The following ZDHHC13 variants were observed in gnomAD, a reference collection of about 807,000 sequenced individuals.
ZDHHC13 encodes the protein palmitoyltransferase ZDHHC13.
Under a neutral mutation model 86.0 loss-of-function variants are expected in ZDHHC13, and 85 were observed. The observed-to-expected ratio is 0.99, with a 90% CI of 0.83 to 1.18. The LOEUF (loss-of-function observed/expected upper bound fraction) is 1.18, where lower values mean the gene tolerates loss of function less well. Ranked by LOEUF, ZDHHC13 falls within the 50% of genes most tolerant of loss-of-function variation. ZDHHC13 has a pLI of 0.00. For synonymous variants in ZDHHC13, 263 were observed against 246.4 expected (o/e 1.07, Z -0.63); for missense variants, 711 against 730.2 (o/e 0.97, Z 0.30).
Position 19,146,182 on chromosome 11 carries a change from TACGG to T in ZDHHC13, c.177_180del (p.Tyr59Ter). The T allele has an allele frequency of 6.3e-7, 1 of 1,578,754 alleles. No homozygotes were observed. On this transcript the variant is annotated frameshift_variant and splice_region_variant, in exon 3 of 17. Transcript: ENST00000446113. LOFTEE classifies it high-confidence loss of function. ...ATGCTTTTTTTTTTCTTCTTTGAGA[TACGG>T]AATTTTTGAACGATGTAAAGAGTTG... is the stretch of plus-strand genomic sequence containing the variant.
chr11:19,127,190 A>G (rs1485699004), intron 1 of ZDHHC13, among the ~76,000 whole-genome samples: 3 of 152,156 alleles, frequency 2.0e-5, no homozygotes, highest in Non-Finnish European at 2.9e-5. Context: ...TTTGAGTAGC[A>G]TTTCTCTAAT....
intron 8 of ZDHHC13, 87 bp downstream of exon 8, chr11:19,152,771 A>G: frequency 6.3e-7 from 1 of 1,587,026 alleles, no homozygotes. Context: ...AGGAAACCAG[A>G]GAGTTGGCTT....
chr11:19,170,702 C>CATTTAACCACACTTGAATTTCAGGT, intron 15 of ZDHHC13, 134 bp downstream of exon 15: 1 of 842,694 alleles, frequency 1.2e-6, no homozygotes, highest in Non-Finnish European at 1.8e-6. Context: ...CTAGCCATGT[C>CATTTAACCACACTTGAATTTCAGGT]ATTTAACCAC....
intron 1 of ZDHHC13, among the ~76,000 whole-genome samples, chr11:19,131,944 C>G (rs1205869464): frequency 6.6e-6 from 1 of 152,204 alleles, no homozygotes; most frequent in African/African-American, 2.4e-5. Context: ...ATACTCTAAC[C>G]TGATCTTTTG....
rs192279639 is a variant in ZDHHC13 at position 19,132,516 on chromosome 11, A to G, written c.28-10462A>G. Among the ~76,000 whole-genome samples, 14 of 152,316 alleles carry G rather than the reference A, an allele frequency of 9.2e-5. No homozygotes were observed. The East Asian group carries it at 2.5e-3, about 27-fold the overall frequency. ...TTTCCCTGTATACATTACTTGTCCT[A>G]GTACTCTGCAAAGACTCAGTGGGCC... is the stretch of plus-strand genomic sequence containing the variant. On this transcript the variant is annotated intron_variant, in intron 1 of 16. Coordinates refer to ENST00000446113, the MANE Select transcript of ZDHHC13 (RefSeq NM_019028.3).
chr11:19,117,130 C>T, upstream of ZDHHC13: 1 of 1,106,994 alleles, frequency 9.0e-7, no homozygotes, highest in South Asian at 1.4e-5. The surrounding 1 kb of genome is among the most constrained non-coding windows in gnomAD (Gnocchi z 4.2). Flanking sequence ...GCGGGGACCG[C>T]AGCGGCGGAG....
chr11:19,130,566 A>G (rs944291048), intron 1 of ZDHHC13, among the ~76,000 whole-genome samples: 2 of 152,208 alleles, frequency 1.3e-5, no homozygotes, highest in South Asian at 4.1e-4. Context: ...AATTCCTTCT[A>G]TTTTTATATT....
Position 19,143,039 on chromosome 11 carries a change from A to G in ZDHHC13, c.89A>G (p.His30Arg). ...PGFGRYGICAHENKELANARE... is the reference protein window; with the variant it reads ...PGFGRYGICARENKELANARE... ...TTTGGTCGATATGGCATCTGTGCAC[A>G]TGAAAACAAAGAACTTGCCAATGCA... Residue 30 changes from histidine (H) to arginine (R), a missense_variant, in exon 2 of 17, where the codon CAT (histidine) becomes CGT (arginine). Coordinates refer to ENST00000446113, the MANE Select transcript of ZDHHC13 (RefSeq NM_019028.3). 3.1e-6 allele frequency: 5 copies of G among 1,612,970 alleles called. No homozygotes were observed. The highest frequency in any genetic ancestry group is 1.3e-5 in the African/African-American group (1 of 75,040).
intron 2 of ZDHHC13, among the ~76,000 whole-genome samples, chr11:19,144,581 G>A (rs1030293267): frequency 8.6e-5 from 13 of 151,972 alleles, no homozygotes; most frequent in Non-Finnish European, 1.6e-4. Context: ...GAGTGTAAAT[G>A]TATGTGTGTC....
chr11:19,176,129 G>A lies in ZDHHC13; in HGVS notation c.*169G>A. ...TCAATAAAGGCATTACAATTTTTTA[G>A]GTTTAGAAAGATGGACTTTTCTGAT... On this transcript the variant is annotated 3_prime_UTR_variant, in exon 17 of 17. Coordinates refer to ENST00000446113, the MANE Select transcript of ZDHHC13 (RefSeq NM_019028.3). 1 of 555,908 alleles carries A rather than the reference G, an allele frequency of 1.8e-6. No individual in the cohort carries two copies. The highest frequency in any genetic ancestry group is 3.5e-5 in the East Asian group (1 of 28,662). 34.4% of individuals were successfully genotyped at this position (555,908 alleles called of 1,614,324 possible).
At chr11:19,136,596 C>A (rs1460507957) in intron 1 of ZDHHC13, among the ~76,000 whole-genome samples, 2 of 152,002 alleles carry the variant, frequency 1.3e-5, no homozygotes, top group African/African-American at 4.8e-5. Flanking sequence ...TCGAGAAGAG[C>A]AACTCCAAGA....
intron 1 of ZDHHC13, among the ~76,000 whole-genome samples, chr11:19,138,569 C>A (rs1304087233): frequency 1.3e-5 from 2 of 151,862 alleles, no homozygotes; most frequent in African/African-American, 4.9e-5. Flanking sequence ...TTTGTGAGGC[C>A]AGCATCATCC....
chr11:19,125,118 A>C (rs1848845879), intron 1 of ZDHHC13, among the ~76,000 whole-genome samples: 2 of 152,324 alleles, frequency 1.3e-5, no homozygotes, highest in South Asian at 4.1e-4. Context: ...CAAATTGATA[A>C]ATTGGACTTT....
chr11:19,137,779 A>G (rs1171126450), intron 1 of ZDHHC13, among the ~76,000 whole-genome samples: 2 of 152,398 alleles, frequency 1.3e-5, no homozygotes, highest in Non-Finnish European at 2.9e-5. Context: ...GCTCAACTAC[A>G]TGGAAACTGA....
rs1008910956 is a variant in ZDHHC13, at chr11:19,166,444, T to G, written c.1474+59T>G. 9.0e-6 allele frequency: 12 copies of G among 1,328,714 alleles called. No individual in the cohort carries two copies. In the Admixed American group the frequency reaches 2.2e-4, roughly 25 times the overall value. 82.3% of individuals were successfully genotyped at this position (1,328,714 alleles called of 1,614,324 possible). A position where few individuals can be genotyped will look rare whatever the true frequency, so the allele number is the denominator to read the frequency against. On this transcript the variant is annotated intron_variant, in intron 14 of 16. Coordinates refer to ENST00000446113, the MANE Select transcript of ZDHHC13 (RefSeq NM_019028.3). ...CATCTACACCCATTTCTACTTTTCC[T>G]TGTAAACCCTTGTATATCACATTCT... is the stretch of plus-strand genomic sequence containing the variant.
At chr11:19,154,251 A>T (rs1224281707) in intron 8 of ZDHHC13, among the ~76,000 whole-genome samples, 2 of 152,176 alleles carry the variant, frequency 1.3e-5, no homozygotes, top group African/African-American at 4.8e-5. Context: ...TATGCCCTCA[A>T]GTATTTGTTG....
At chr11:19,163,462 AG>A in intron 11 of ZDHHC13, 35 bp downstream of exon 11, 1 of 1,551,652 alleles carries the variant, frequency 6.4e-7, no homozygotes, top group Non-Finnish European at 8.7e-7. Context: ...TTTTAATAGG[AG>A]GGTTTGTAAA....
intron 4 of ZDHHC13, chr11:19,148,542 G>A (rs1403731832): frequency 6.6e-6 from 1 of 152,090 alleles, no homozygotes. Context: ...TAAAATGACA[G>A]TGACATCTAA....
intron 13 of ZDHHC13, among the ~76,000 whole-genome samples, chr11:19,165,949 A>C (rs1436320214): frequency 6.6e-6 from 1 of 152,216 alleles, no homozygotes; most frequent in Non-Finnish European, 1.5e-5. Context: ...TGTTGCATGG[A>C]AGGAAGAAAG....
Sources: allele counts gnomAD v4.1 joint callset (sites outside exome capture counted in the v4.1 genomes callset), GRCh38; gene constraint gnomAD v4.1.1; non-coding constraint Gnocchi (gnomAD v3.1); transcripts MANE v1.5; gene names NCBI Gene and HGNC (gene_info 2026-07-23, HGNC 2026-07-21).